The following SLC10A7 variants were observed in gnomAD, a reference collection of about 807,000 sequenced individuals.
SLC10A7 encodes solute carrier family 10 member 7, also known as sodium/bile acid cotransporter 7.
A neutral mutation model predicts 43.2 loss-of-function variants in SLC10A7; 29 were observed. The ratio of observed to expected loss-of-function variants is 0.67; its 90% confidence interval spans 0.50 to 0.92. The LOEUF (loss-of-function observed/expected upper bound fraction) is 0.92. Among genes scored for constraint, SLC10A7 ranks in the 40% least tolerant of loss-of-function variants. The pLI is 0.00. For missense variants in SLC10A7, 295 were observed against 403.2 expected (o/e 0.73, Z 2.30); for synonymous variants, 152 against 144.8 (o/e 1.05, Z -0.35).
At chr4:146,432,853 C>T (rs952999258) in intron 5 of SLC10A7, among the ~76,000 whole-genome samples, 1 of 152,032 alleles carries the variant, frequency 6.6e-6, no homozygotes, top group African/African-American at 2.4e-5. Flanking sequence ...TCCTGGCCAA[C>T]ATGGTGAAAC....
At chr4:146,452,541 T>C (rs1166175663) in intron 4 of SLC10A7, among the ~76,000 whole-genome samples, 1 of 152,144 alleles carries the variant, frequency 6.6e-6, no homozygotes, top group East Asian at 1.9e-4. Context: ...TTATTGCTTC[T>C]TTCAAAGCCA....
At chr4:146,296,339 T>C (rs1265855379) in intron 7 of SLC10A7, among the ~76,000 whole-genome samples, 2 of 152,180 alleles carry the variant, frequency 1.3e-5, no homozygotes, top group Non-Finnish European at 1.5e-5. Context: ...TGGTTGAATC[T>C]ACAGATGCAG....
chr4:146,318,177 AC>A (rs142805774), intron 6 of SLC10A7, among the ~76,000 whole-genome samples: 9,640 of 152,050 alleles, frequency 0.063, 397 homozygotes, highest in South Asian at 0.18. Context: ...CTTTGTTAGT[AC>A]CCCATTTTCT....
Position 146,305,934 on chromosome 4 carries a change from T to G in SLC10A7, c.547A>C (p.Ile183Leu), listed in dbSNP as rs374425360. 2.4e-5 allele frequency: 38 copies of G among 1,607,958 alleles called. No homozygotes were observed. In the African/African-American group the frequency reaches 4.7e-4, roughly 20 times the overall value. Residue 183 changes from isoleucine to leucine, a missense_variant, in exon 7 of 12, where the codon ATT becomes CTT. This residue lies in a region of SLC10A7 where 242 missense variants were observed against 362.5 expected (regional missense o/e 0.67). Transcript: ENST00000335472. ...LFMTVVVPLI[I>L]GQIVRRYIKD... Reference sequence around the variant, plus strand: ...AGAATTGGAGGCCTTACCTGTCCAATGATGAGAGGAACCACAACAGTCATA... The same window carrying G: ...AGAATTGGAGGCCTTACCTGTCCAAGGATGAGAGGAACCACAACAGTCATA...
intron 4 of SLC10A7, among the ~76,000 whole-genome samples, chr4:146,483,297 C>T (rs1734642230): frequency 6.6e-6 from 1 of 151,976 alleles, no homozygotes; most frequent in African/African-American, 2.4e-5. Context: ...TTAAGGAATA[C>T]ACAACATTAG....
chr4:146,394,841 C>T (rs1319512670), intron 5 of SLC10A7, among the ~76,000 whole-genome samples: 2 of 152,146 alleles, frequency 1.3e-5, no homozygotes, highest in African/African-American at 4.8e-5. Flanking sequence ...CACATTTCTC[C>T]ATATTCTTAT....
intron 4 of SLC10A7, among the ~76,000 whole-genome samples, chr4:146,496,016 G>A (rs1164168548): frequency 6.6e-6 from 1 of 152,148 alleles, no homozygotes; most frequent in African/African-American, 2.4e-5. Context: ...ACAGCCTAAT[G>A]CTGCAAGTAG....
Position 146,325,879 on chromosome 4 carries a change from C to A in SLC10A7, c.471+82G>T, listed in dbSNP as rs569817872. 1.3e-5 allele frequency: 17 copies of A among 1,267,414 alleles called. No individual in the cohort carries two copies. The Admixed American group carries it at 2.0e-4, about 15-fold the overall frequency. The allele number at this position is 1,267,414 out of a possible 1,614,324, so 78.5% of individuals were successfully genotyped here. A position where few individuals can be genotyped will look rare whatever the true frequency, so the allele number is the denominator to read the frequency against. ...ATATGGTGCAAAATAATTCAAATTT[C>A]ATTTTTGTTCTAATGACCTTTCTTA... is the stretch of plus-strand genomic sequence containing the variant. On this transcript the variant is annotated intron_variant, in intron 6 of 11. Transcript: ENST00000335472.
intron 5 of SLC10A7, among the ~76,000 whole-genome samples, chr4:146,330,529 C>T (rs189548232): frequency 7.0e-4 from 106 of 152,288 alleles, no homozygotes; most frequent in African/African-American, 1.1e-3. Context: ...GTCTCCCTCA[C>T]GTCCTTATAT....
chr4:146,257,054 G>A, intron 11 of SLC10A7: 2 of 689,900 alleles, frequency 2.9e-6, no homozygotes, highest in Admixed American at 2.6e-5. Flanking sequence ...AATTCACTCT[G>A]ATTAATTTGC....
At chr4:146,501,539 G>A (rs1378340409) in intron 4 of SLC10A7, among the ~76,000 whole-genome samples, 1 of 152,184 alleles carries the variant, frequency 6.6e-6, no homozygotes, top group Non-Finnish European at 1.5e-5. Context: ...GCTGTGGCAA[G>A]TGAAAATGTT....
intron 4 of SLC10A7, among the ~76,000 whole-genome samples, chr4:146,449,456 G>A (rs1731387178): frequency 6.6e-6 from 1 of 152,090 alleles, no homozygotes; most frequent in African/African-American, 2.4e-5. Flanking sequence ...GAGGAGCAGG[G>A]GTTGGAAGTG....
At chr4:146,318,115 T>C (rs1340552313) in intron 6 of SLC10A7, among the ~76,000 whole-genome samples, 1 of 152,078 alleles carries the variant, frequency 6.6e-6, no homozygotes. Flanking sequence ...TTGACACAAA[T>C]ATGCCACTAA....
At chr4:146,434,151 A>G (rs1004224470) in intron 5 of SLC10A7, among the ~76,000 whole-genome samples, 10 of 152,212 alleles carry the variant, frequency 6.6e-5, no homozygotes, top group Admixed American at 1.3e-4. Flanking sequence ...AAAGGGAAAA[A>G]GCAGAAAATA....
intron 5 of SLC10A7, among the ~76,000 whole-genome samples, chr4:146,411,272 G>C (rs1048037852): frequency 6.6e-6 from 1 of 152,056 alleles, no homozygotes; most frequent in African/African-American, 2.4e-5. Flanking sequence ...GACCACCGTG[G>C]TGCCCTATAG....
At chr4:146,320,363 C>A (rs1429521172) in intron 6 of SLC10A7, among the ~76,000 whole-genome samples, 1 of 151,780 alleles carries the variant, frequency 6.6e-6, no homozygotes, top group Non-Finnish European at 1.5e-5. Context: ...CCCATGAGGC[C>A]TAGGCTGGGT....
intron 5 of SLC10A7, among the ~76,000 whole-genome samples, chr4:146,385,055 T>C (rs546855306): frequency 1.4e-4 from 21 of 152,238 alleles, no homozygotes; most frequent in African/African-American, 4.8e-4. Flanking sequence ...GCCACCTTTC[T>C]TCCTTTCTAT....
chr4:146,311,612 G>A (rs1314890075), intron 6 of SLC10A7, among the ~76,000 whole-genome samples: 2 of 152,146 alleles, frequency 1.3e-5, no homozygotes, highest in Non-Finnish European at 2.9e-5. Context: ...GATATTTACA[G>A]TTGATACTGT....
intron 5 of SLC10A7, among the ~76,000 whole-genome samples, chr4:146,339,086 G>T (rs771772866): frequency 6.6e-6 from 1 of 151,902 alleles, no homozygotes; most frequent in Non-Finnish European, 1.5e-5. Flanking sequence ...GGCTTCTTAT[G>T]TAGGCTCCTG....
Sources: allele counts gnomAD v4.1 joint callset (sites outside exome capture counted in the v4.1 genomes callset), GRCh38; gene constraint gnomAD v4.1.1; regional missense constraint gnomAD v4.1.1; transcripts MANE v1.5; gene names NCBI Gene and HGNC (gene_info 2026-07-23, HGNC 2026-07-21).